Variants in SHB observed in about 807,000 individuals in gnomAD.
SHB encodes SH2 domain-containing adapter protein B.
SHB carries 20 observed loss-of-function variants against 52.3 expected under a neutral mutation model. The ratio of observed to expected loss-of-function variants is 0.38; its 90% CI spans 0.27 to 0.56. The LOEUF (loss-of-function observed/expected upper bound fraction) is 0.56. Ranked by LOEUF, SHB falls within the 20% of genes least tolerant of loss-of-function variation. SHB has a pLI of 0.71. For missense variants in SHB, 825 were observed against 723.3 expected, an observed-to-expected ratio of 1.14 and a Z score of -1.61; for synonymous variants, 397 against 316.5, an observed-to-expected ratio of 1.25 and a Z score of -2.70.
At chr9:37,969,710 G>C (rs949157751) in intron 3 of SHB, among the ~76,000 whole-genome samples, 2 of 152,174 alleles carry the variant, frequency 1.3e-5, no homozygotes, top group African/African-American at 4.8e-5. Context: ...GCCACTTTCT[G>C]CTCAGGTTCC....
intron 1 of SHB, among the ~76,000 whole-genome samples, chr9:38,050,872 G>T (rs112474904): frequency 3.3e-5 from 5 of 152,058 alleles, no homozygotes; most frequent in African/African-American, 1.2e-4. Context: ...AAAAAAGAGA[G>T]ATTTCTAATT....
chr9:38,015,839 A>G (rs996590060), intron 2 of SHB, among the ~76,000 whole-genome samples, 172 bp downstream of exon 2: 11 of 152,230 alleles, frequency 7.2e-5, no homozygotes, highest in African/African-American at 2.7e-4. Context: ...TAGGTGAAAC[A>G]TAAGCAGGTA....
chr9:37,967,719 A>T (rs776229037), intron 3 of SHB, among the ~76,000 whole-genome samples: 2 of 152,248 alleles, frequency 1.3e-5, no homozygotes, highest in Non-Finnish European at 2.9e-5. Context: ...GGATCTACCG[A>T]ATCAGGAACC....
At chr9:37,995,925 G>C (rs1820941537) in intron 2 of SHB, among the ~76,000 whole-genome samples, 2 of 152,120 alleles carry the variant, frequency 1.3e-5, no homozygotes, top group Non-Finnish European at 2.9e-5. Context: ...CATCCAATTG[G>C]CTTACACCCA....
At chr9:37,927,859 C>CGGAG (rs1328282320) in intron 5 of SHB, among the ~76,000 whole-genome samples, 1 of 151,958 alleles carries the variant, frequency 6.6e-6, no homozygotes. Context: ...GACGCAGAAG[C>CGGAG]GGAGGGGGAT....
chr9:37,928,940 C>T (rs577873683), intron 5 of SHB, among the ~76,000 whole-genome samples: 6 of 152,346 alleles, frequency 3.9e-5, no homozygotes, highest in Middle Eastern at 3.4e-3. Flanking sequence ...AAGGCAGCCT[C>T]GGGGGAAGCC....
chr9:37,946,587 G>C (rs1339133599), intron 5 of SHB, among the ~76,000 whole-genome samples: 2 of 152,162 alleles, frequency 1.3e-5, no homozygotes, highest in East Asian at 3.8e-4. Flanking sequence ...GTGCCAGCCC[G>C]GCAGGACCTT....
chr9:37,948,835 C>A, intron 4 of SHB, 81 bp from the exon 5 acceptor site: 3 of 1,552,578 alleles, frequency 1.9e-6, no homozygotes, highest in South Asian at 2.3e-5. Context: ...GACTCAGCAC[C>A]CGCAGAGAGC....
intron 1 of SHB, among the ~76,000 whole-genome samples, chr9:38,047,541 T>A (rs1821672509): frequency 6.6e-6 from 1 of 152,256 alleles, no homozygotes; most frequent in African/African-American, 2.4e-5. Context: ...GCTCTGGAAC[T>A]GCAACATTCC....
chr9:37,972,125 A>AT (rs1820597267), intron 3 of SHB, among the ~76,000 whole-genome samples: 1 of 152,230 alleles, frequency 6.6e-6, no homozygotes, highest in African/African-American at 2.4e-5. Context: ...ACAGGGGGTC[A>AT]GTCCAGGGGA....
At chr9:38,044,299 T>C (rs1022646087) in intron 1 of SHB, among the ~76,000 whole-genome samples, 1 of 152,210 alleles carries the variant, frequency 6.6e-6, no homozygotes, top group African/African-American at 2.4e-5. Flanking sequence ...AAGGCTCAAT[T>C]AACTCCTTAG....
chr9:38,003,382 C>T (rs1821042084), intron 2 of SHB, among the ~76,000 whole-genome samples: 1 of 152,060 alleles, frequency 6.6e-6, no homozygotes, highest in Non-Finnish European at 1.5e-5. Flanking sequence ...GCTTCCACCA[C>T]CCTTCCCACC....
intron 1 of SHB, among the ~76,000 whole-genome samples, chr9:38,055,809 A>T (rs1821806428): frequency 6.6e-6 from 1 of 151,774 alleles, no homozygotes; most frequent in Non-Finnish European, 1.5e-5. Context: ...CTCAAGCCAC[A>T]TGGGCAGGGC....
At chr9:37,922,315 A>C (rs181420218) in intron 5 of SHB, among the ~76,000 whole-genome samples, 11 of 152,362 alleles carry the variant, frequency 7.2e-5, no homozygotes, top group Non-Finnish European at 1.3e-4. Context: ...TGGCAAGGGA[A>C]GTGGACAGTG....
chr9:38,017,693 G>A (rs760081467), intron 1 of SHB, among the ~76,000 whole-genome samples: 11 of 152,246 alleles, frequency 7.2e-5, no homozygotes, highest in Non-Finnish European at 1.3e-4. Context: ...CACTTTCTCC[G>A]TGGCTGTGGC....
Position 38,068,873 on chromosome 9 carries a change from G to C in SHB, c.-228C>G, listed in dbSNP as rs1371004394. 1 of 154,222 alleles carries C rather than the reference G, an allele frequency of 6.5e-6. No homozygotes were observed. The highest frequency in any genetic ancestry group is 1.4e-5 in the Non-Finnish European group (1 of 69,654). 9.6% of individuals were successfully genotyped at this position (154,222 alleles called of 1,614,324 possible). A position where few individuals can be genotyped will look rare whatever the true frequency, so the allele number is the denominator to read the frequency against. On this transcript the variant is annotated 5_prime_UTR_variant, in exon 1 of 6. Coordinates refer to ENST00000377707, the MANE Select transcript of SHB (RefSeq NM_003028.3). The stretch of plus-strand genomic sequence containing the variant: ...CCTCCGCCTAGCGCCGCCCAAGCTA[G>C]GAATCTCGCGCCCCTCGTGGGCGCG...
At chr9:37,954,900 G>A (rs1022455694) in intron 4 of SHB, among the ~76,000 whole-genome samples, 8 of 152,048 alleles carry the variant, frequency 5.3e-5, no homozygotes, top group Non-Finnish European at 4.4e-5. Flanking sequence ...CCAAGGGGAG[G>A]GGCAATAAAG....
chr9:37,997,040 C>A (rs537167728), intron 2 of SHB, among the ~76,000 whole-genome samples: 24 of 152,298 alleles, frequency 1.6e-4, no homozygotes, highest in Non-Finnish European at 2.9e-4. Flanking sequence ...AGCTGACAGG[C>A]AGGAGGTGGG....
At chr9:38,012,465 A>G (rs1290493821) in intron 2 of SHB, among the ~76,000 whole-genome samples, 1 of 152,028 alleles carries the variant, frequency 6.6e-6, no homozygotes, top group African/African-American at 2.4e-5. Context: ...GCTGTAAGCA[A>G]GTACTAGAGA....
Sources: gnomAD v4.1 joint callset for allele counts (sites outside exome capture counted in the v4.1 genomes callset) on GRCh38, gnomAD v4.1.1 for gene constraint, MANE v1.5 for transcripts, NCBI Gene and HGNC (gene_info 2026-07-23, HGNC 2026-07-21) for gene names.